Variants in ARHGEF1 observed in about 807,000 individuals in gnomAD.
The protein encoded by ARHGEF1 is 115 kDa guanine nucleotide exchange factor.
Under a neutral mutation model 119.7 loss-of-function variants are expected in ARHGEF1, and 40 were observed. The observed-to-expected ratio is 0.33, with a 90% CI of 0.26 to 0.44. The LOEUF is 0.44. Ranked by LOEUF, ARHGEF1 falls within the 20% of genes least tolerant of loss-of-function variation. ARHGEF1 has a pLI of 1.00. For synonymous variants in ARHGEF1, 494 were observed against 521.0 expected (o/e 0.95, Z 0.71); for missense variants, 976 against 1,268.3 (o/e 0.77, Z 3.50).
In ARHGEF1 at chr19:41,904,640, G is replaced by A. The variant is rs1476022444; in HGVS notation, c.2161+257G>A. 6.6e-6 allele frequency among the ~76,000 whole-genome samples: 1 copy of A among 152,136 alleles called. No homozygotes were observed. Among genetic ancestry groups the A allele is most frequent in the East Asian group, 1.9e-4 (1 of 5,188 alleles). On this transcript the variant is annotated intron_variant, in intron 22 of 28. Transcript: ENST00000354532. This position sits in a 1 kb window ranked among gnomAD's most constrained non-coding sequence, Gnocchi z 8.4. Reference sequence around the variant, plus strand: ...AAAGGCCAGGAGTCCAGTGAGGAGGGATTTGTAAACATACTACTAGGAAGT... The same window carrying A: ...AAAGGCCAGGAGTCCAGTGAGGAGGAATTTGTAAACATACTACTAGGAAGT...
chr19:41,917,346 G>A lies in ARHGEF1; in HGVS notation c.1866-5746G>A, dbSNP rs1483709807. On this transcript the variant is annotated intron_variant, in intron 18 of 20. Coordinates refer to the ARHGEF1 transcript ENST00000599589. This position sits in a 1 kb window ranked among gnomAD's most constrained non-coding sequence, Gnocchi z 4.8. ...TCTCTCTCTGCCTCTGTCTCCTAAC[G>A]CCCCATCACCACGCCCCCCTGGGCT... is the stretch of plus-strand genomic sequence containing the variant. Among the ~76,000 whole-genome samples, 4 of 151,442 alleles carry A rather than the reference G, an allele frequency of 2.6e-5. No homozygotes were observed. Among genetic ancestry groups the A allele is most frequent in the Admixed American group, 1.3e-4 (2 of 15,208 alleles).
chr19:41,915,218 G>C (rs934058754), intron 18 of ARHGEF1, among the ~76,000 whole-genome samples: 15 of 133,456 alleles, frequency 1.1e-4, no homozygotes, highest in Non-Finnish European at 1.9e-4. Context: ...GCCTCCTCCG[G>C]ACACGTTATA....
chr19:41,894,111 GGAGA>G (rs374244270), intron 8 of ARHGEF1, 92 bp from the exon 9 acceptor site: 5 of 783,202 alleles, frequency 6.4e-6, no homozygotes, highest in Non-Finnish European at 7.1e-6. Context: ...GCCTCTAGGG[GGAGA>G]GAGAGAGAGT....
At position 41,902,463 on chromosome 19, in the gene ARHGEF1, C is replaced by G. The variant is rs955990476; in HGVS notation, c.1498-70C>G. 1.1e-5 allele frequency: 18 copies of G among 1,611,500 alleles called. No individual in the cohort carries two copies. In the African/African-American group the frequency reaches 2.3e-4, roughly 20 times the overall value. On this transcript the variant is annotated intron_variant, in intron 16 of 28. Coordinates refer to ENST00000354532, the MANE Select transcript of ARHGEF1 (RefSeq NM_004706.4). This position sits in a 1 kb window ranked among gnomAD's most constrained non-coding sequence, Gnocchi z 6.5. ...CAGTCCCAGGGTCTGGGCTTCCAGC[C>G]TGTCGTACTTTAGTCCCTGTTCTTG...
Position 41,906,103 on chromosome 19 carries a change from G to T in ARHGEF1, c.2491+78G>T. The T allele has an allele frequency of 2.1e-6, 3 of 1,405,152 alleles. No individual in the cohort carries two copies. Among genetic ancestry groups the T allele is most frequent in the Non-Finnish European group, 3.0e-6 (3 of 1,005,328 alleles). 87.0% of individuals were successfully genotyped at this position (1,405,152 alleles called of 1,614,324 possible). On this transcript the variant is annotated intron_variant, in intron 26 of 28. Coordinates refer to ENST00000354532, the MANE Select transcript of ARHGEF1 (RefSeq NM_004706.4). The surrounding 1 kb of genome is among the most constrained non-coding windows in gnomAD (Gnocchi z 4.5). ...TTCCAACTAGAACAAGGCTCTCCAC[G>T]TCAAAAATTTCCTTACGCCCAGCTG...
rs1342765646 is a variant in ARHGEF1, at chr19:41,916,494, ATCAAT to A, written c.1866-6592_1866-6588del. Among the ~76,000 whole-genome samples the A allele has an allele frequency of 4.0e-4, 61 of 152,232 alleles. No homozygotes were observed. Among genetic ancestry groups the A allele is most frequent in the Admixed American group, 7.2e-4 (11 of 15,294 alleles). On this transcript the variant is annotated intron_variant, in intron 18 of 20. Transcript: ENST00000599589. The surrounding 1 kb of genome is among the most constrained non-coding windows in gnomAD (Gnocchi z 5.4). ...TTTTACACAAATACACACATGACAC[ATCAAT>A]TCAATCTCACACAGAAACAAAGACA... is the stretch of plus-strand genomic sequence containing the variant.
intron 13 of ARHGEF1, chr19:41,897,274 C>T: frequency 7.8e-7 from 1 of 1,281,396 alleles, no homozygotes; most frequent in South Asian, 1.2e-5. Flanking sequence ...GGTCAGGTTC[C>T]ATCTGGGCCC....
At chr19:41,896,274 C>T (rs2074483617) in intron 12 of ARHGEF1, 103 bp from the exon 13 acceptor site, 3 of 537,132 alleles carry the variant, frequency 5.6e-6, no homozygotes, top group Non-Finnish European at 6.4e-6. Context: ...GTGGTGTCTG[C>T]CAGGCACTGG....
chr19:41,906,591 A>G lies in ARHGEF1; in HGVS notation c.2626A>G (p.Ser876Gly), dbSNP rs1555850262. Reference sequence around the variant, plus strand: ...CCAGGAAATCCAGGAGAACCTGCTCAGCTTGGAGGAGACCATGAAGCAGCT... The same window carrying G: ...CCAGGAAATCCAGGAGAACCTGCTCGGCTTGGAGGAGACCATGAAGCAGCT... The part of the protein sequence containing the change: ...RTQEIQENLL[S>G]LEETMKQLEE... Residue 876 changes from serine to glycine, a missense_variant, in exon 27 of 29, where the codon AGC (serine) becomes GGC (glycine). Around this residue, in one of 3 missense-constraint regions of ARHGEF1, gnomAD observed 171 missense variants for 180.6 expected, o/e 0.95. Transcript: ENST00000354532. The surrounding 1 kb of genome is among the most constrained non-coding windows in gnomAD (Gnocchi z 4.5). 5 of 1,604,694 alleles carry G rather than the reference A, an allele frequency of 3.1e-6. No individual in the cohort carries two copies. The highest frequency in any genetic ancestry group is 4.2e-6 in the Non-Finnish European group (5 of 1,177,216).
chr19:41,893,901 G>A (rs1444702512), intron 8 of ARHGEF1, among the ~76,000 whole-genome samples: 1 of 109,710 alleles, frequency 9.1e-6, no homozygotes, highest in Non-Finnish European at 1.8e-5. Flanking sequence ...GGGGCTGGGG[G>A]CCTGGACTCC....
Position 41,888,966 on chromosome 19 carries a change from A to G in ARHGEF1, c.225+101A>G, listed in dbSNP as rs2074336059. On this transcript the variant is annotated intron_variant, in intron 4 of 28. Coordinates refer to ENST00000354532, the MANE Select transcript of ARHGEF1 (RefSeq NM_004706.4). This position sits in a 1 kb window ranked among gnomAD's most constrained non-coding sequence, Gnocchi z 5.1. ...AGCTAGTGCCTGGAGGGTCTGGAAA[A>G]GCAGATCTAGAACACAGAGAGCCAG... is the stretch of plus-strand genomic sequence containing the variant. 1.0e-6 allele frequency: 1 copy of G among 976,394 alleles called. No homozygotes were observed. The highest frequency in any genetic ancestry group is 1.6e-5 in the South Asian group (1 of 62,902). 60.5% of individuals were successfully genotyped at this position (976,394 alleles called of 1,614,324 possible). A position where few individuals can be genotyped will look rare whatever the true frequency, so the allele number is the denominator to read the frequency against.
Position 41,907,398 on chromosome 19 carries a change from T to C in ARHGEF1, c.*311T>C. On this transcript the variant is annotated 3_prime_UTR_variant, in exon 29 of 29. Transcript: ENST00000354532. ...CCCCCACCCCCAAGTGCCTTCGCTC[T>C]GTTTTTATACCCTGAATTGGAGGTT... is the stretch of plus-strand genomic sequence containing the variant. The C allele has an allele frequency of 6.5e-7, 1 of 1,534,026 alleles. No individual in the cohort carries two copies. Among genetic ancestry groups the C allele is most frequent in the Non-Finnish European group, 8.7e-7 (1 of 1,145,734 alleles).
In ARHGEF1 at chr19:41,902,447, G is replaced by T; in HGVS notation, c.1498-86G>T. Reference sequence around the variant, plus strand: ...TGAGCCCACCCTACTCCAGTCCCAGGGTCTGGGCTTCCAGCCTGTCGTACT... The same window carrying T: ...TGAGCCCACCCTACTCCAGTCCCAGTGTCTGGGCTTCCAGCCTGTCGTACT... On this transcript the variant is annotated intron_variant, in intron 16 of 28. Coordinates refer to ENST00000354532, the MANE Select transcript of ARHGEF1 (RefSeq NM_004706.4). This position sits in a 1 kb window ranked among gnomAD's most constrained non-coding sequence, Gnocchi z 6.5. 6.2e-7 allele frequency: 1 copy of T among 1,611,270 alleles called. No individual in the cohort carries two copies. The highest frequency in any genetic ancestry group is 8.5e-7 in the Non-Finnish European group (1 of 1,178,718).
chr19:41,898,060 G>A, intron 13 of ARHGEF1: 1 of 1,350,068 alleles, frequency 7.4e-7, no homozygotes, highest in Non-Finnish European at 9.5e-7. Context: ...GGAGCGACGT[G>A]GACATGGACC....
In ARHGEF1 at chr19:41,905,657, T is replaced by A; in HGVS notation, c.2337-103T>A. ...CTCCCGGCCTCGACCTCTGTCTCTGTCTCCGGACCTCCCTGCCTCCCCACC... is the reference window on the plus strand; with the variant it reads ...CTCCCGGCCTCGACCTCTGTCTCTGACTCCGGACCTCCCTGCCTCCCCACC... On this transcript the variant is annotated intron_variant, in intron 24 of 28. Transcript: ENST00000354532. This position sits in a 1 kb window ranked among gnomAD's most constrained non-coding sequence, Gnocchi z 6.4. 8.1e-7 allele frequency: 1 copy of A among 1,231,666 alleles called. No individual in the cohort carries two copies. Among genetic ancestry groups the A allele is most frequent in the South Asian group, 1.3e-5 (1 of 77,250 alleles). The allele number at this position is 1,231,666 out of a possible 1,614,324, so 76.3% of individuals were successfully genotyped here.
upstream of ARHGEF1, among the ~76,000 whole-genome samples, chr19:41,919,280 C>T (rs1219785461): frequency 1.3e-5 from 2 of 152,190 alleles, no homozygotes; most frequent in African/African-American, 4.8e-5. Context: ...ACACCAGAAA[C>T]AGCTTCACAC....
chr19:41,901,151 GTTTT>G (rs1813320786), intron 14 of ARHGEF1, among the ~76,000 whole-genome samples: 1 of 150,538 alleles, frequency 6.6e-6, no homozygotes, highest in Non-Finnish European at 1.5e-5. Context: ...TTATTTGTTT[GTTTT>G]GTTTTGTTTT....
intron 14 of ARHGEF1, among the ~76,000 whole-genome samples, chr19:41,899,977 A>T (rs1485832342): frequency 3.9e-5 from 6 of 151,906 alleles, no homozygotes; most frequent in Non-Finnish European, 8.8e-5. Context: ...TGGAAGATGG[A>T]AATGTGCTTT....
At position 41,906,624 on chromosome 19, in the gene ARHGEF1, G is replaced by A. The variant is rs782386350; in HGVS notation, c.2655+4G>A. 2.5e-6 allele frequency: 4 copies of A among 1,603,034 alleles called. No homozygotes were observed. The Admixed American group carries it at 7.1e-5, about 28-fold the overall frequency. ...GGAGACCATGAAGCAGCTGGAGGTG[G>A]GGCGGGACGGGCCAGGGGTGCCCTG... On this transcript the variant is annotated splice_donor_region_variant and intron_variant, in intron 27 of 28. Coordinates refer to ENST00000354532, the MANE Select transcript of ARHGEF1 (RefSeq NM_004706.4). This position sits in a 1 kb window ranked among gnomAD's most constrained non-coding sequence, Gnocchi z 4.5.
Sources: gnomAD v4.1 joint callset for allele counts (sites outside exome capture counted in the v4.1 genomes callset) on GRCh38, gnomAD v4.1.1 for gene constraint, gnomAD v4.1.1 regional missense constraint, Gnocchi (gnomAD v3.1) non-coding constraint, MANE v1.5 for transcripts, NCBI Gene and HGNC (gene_info 2026-07-23, HGNC 2026-07-21) for gene names.